ATP7A: variants seen among roughly 807,000 people sequenced by gnomAD.
ATP7A encodes ATPase copper transporting alpha.
A neutral mutation model predicts 83.5 loss-of-function variants in ATP7A; 7 were observed. The ratio of observed to expected loss-of-function variants is 0.08; its 90% CI spans 0.05 to 0.16. The LOEUF (loss-of-function observed/expected upper bound fraction) is 0.16, where lower values mean the gene tolerates loss of function less well. Among genes scored for constraint, ATP7A ranks in the 10% least tolerant of loss-of-function variants. ATP7A has a pLI of 1.00. For synonymous variants in ATP7A, 354 were observed against 395.2 expected (o/e 0.90, Z 1.24); for missense variants, 940 against 1,120.8 (o/e 0.84, Z 2.30).
At chrX:77,967,798 T>C (rs2077518227) in intron 1 of ATP7A, among the ~76,000 whole-genome samples, 1 of 111,758 alleles carries the variant, frequency 8.9e-6, no homozygotes, top group African/African-American at 3.3e-5. Context: ...ATAGACTGGG[T>C]GGTCTAATTG....
Position 77,970,063 on chromosome X carries a change from G to T in ATP7A, c.-21-1558G>T, listed in dbSNP as rs782199144. On this transcript the variant is annotated intron_variant, in intron 1 of 22. Coordinates refer to ENST00000341514, the MANE Select transcript of ATP7A (RefSeq NM_000052.7). ...AAGTTGTAGTCAATATGGTGTCTGGGGATGTAGTAGTTTAAAGGCTTAACT... is the reference window on the plus strand; with the variant it reads ...AAGTTGTAGTCAATATGGTGTCTGGTGATGTAGTAGTTTAAAGGCTTAACT... 2.7e-5 allele frequency among the ~76,000 whole-genome samples: 3 copies of T among 111,521 alleles called. No homozygotes were observed. In the East Asian group the frequency reaches 8.5e-4, roughly 32 times the overall value.
At position 77,957,336 on chromosome X, in the gene ATP7A, C is replaced by T. The variant is rs782104931; in HGVS notation, c.-21-14285C>T. ...TGTTGGTGTGCTGCACCCATTAACT[C>T]GTCATTGGAAACAATTAACAAAGTA... is the stretch of plus-strand genomic sequence containing the variant. On this transcript the variant is annotated intron_variant, in intron 1 of 22. Transcript: ENST00000341514. 2.1e-3 allele frequency among the ~76,000 whole-genome samples: 231 copies of T among 109,864 alleles called. 1 individual carries two copies. Among genetic ancestry groups the T allele is most frequent in the African/African-American group, 7.2e-3 (218 of 30,400 alleles).
At chrX:77,995,705 A>G (rs2077699417) in intron 4 of ATP7A, among the ~76,000 whole-genome samples, 1 of 111,103 alleles carries the variant, frequency 9.0e-6, no homozygotes, top group South Asian at 3.7e-4. Flanking sequence ...CAATCTAAAT[A>G]CTTGATTAAA....
intron 12 of ATP7A, among the ~76,000 whole-genome samples, chrX:78,018,161 C>T (rs2077881501): frequency 9.2e-6 from 1 of 109,207 alleles, no homozygotes. Context: ...GAGACCACCT[C>T]AGCTTGGACT....
At chrX:77,921,137 C>G (rs905193344) in intron 1 of ATP7A, among the ~76,000 whole-genome samples, 3 of 111,831 alleles carry the variant, frequency 2.7e-5, no homozygotes, top group Admixed American at 9.5e-5. Flanking sequence ...TTTGCCCTAT[C>G]AAATTTGTCC....
At chrX:77,938,996 C>T (rs1188402230) in intron 1 of ATP7A, among the ~76,000 whole-genome samples, 1 of 111,612 alleles carries the variant, frequency 9.0e-6, no homozygotes, top group East Asian at 2.8e-4. Flanking sequence ...AGTCTTTTAA[C>T]TTATATCCAC....
At chrX:77,934,769 G>A (rs1216477418) in intron 1 of ATP7A, among the ~76,000 whole-genome samples, 2 of 111,036 alleles carry the variant, frequency 1.8e-5, no homozygotes, top group African/African-American at 6.6e-5. Flanking sequence ...TATAAAACAA[G>A]GGATTGTGAT....
intron 2 of ATP7A, among the ~76,000 whole-genome samples, chrX:77,987,790 A>G (rs1454884551): frequency 9.0e-6 from 1 of 111,617 alleles, no homozygotes; most frequent in African/African-American, 3.3e-5. Context: ...TTAAATTGAC[A>G]TATAATAGTT....
rs782226453 is a variant in ATP7A at position 77,945,738 on chromosome X, C to T, written c.-21-25883C>T. Among the ~76,000 whole-genome samples the T allele has an allele frequency of 6.3e-5, 7 of 110,543 alleles. No homozygotes were observed. The South Asian group carries it at 2.3e-3, about 36-fold the overall frequency. ...ATTATTTGCTGACTTTTATTAAGAC[C>T]TATATTAAGATTCTATAGTGTTATA... is the stretch of plus-strand genomic sequence containing the variant. On this transcript the variant is annotated intron_variant, in intron 1 of 22. Coordinates refer to ENST00000341514, the MANE Select transcript of ATP7A (RefSeq NM_000052.7).
At chrX:78,042,399 C>G (rs2078055584) in intron 19 of ATP7A, among the ~76,000 whole-genome samples, 186 bp from the exon 20 acceptor site, 1 of 111,485 alleles carries the variant, frequency 9.0e-6, no homozygotes, top group Non-Finnish European at 1.9e-5. Flanking sequence ...AAAAGAGTTA[C>G]AATTTACACA....
Position 77,988,504 on chromosome X carries a change from CAAT to C in ATP7A, c.387_389del (p.Ile130del). 8.3e-7 allele frequency: 1 copy of C among 1,211,559 alleles called. No individual in the cohort carries two copies. The highest frequency in any genetic ancestry group is 1.1e-6 in the Non-Finnish European group (1 of 895,366). On this transcript the variant is annotated inframe_deletion, in exon 3 of 23. Coordinates refer to ENST00000341514, the MANE Select transcript of ATP7A (RefSeq NM_000052.7). The stretch of plus-strand genomic sequence containing the variant: ...CCTCAGAAAAGAACTGTAGCAGTGA[CAAT>C]AATCCCTTCTATAGTGAATGCCAAT...
chrX:78,042,353 G>T (rs1425544494), intron 19 of ATP7A, among the ~76,000 whole-genome samples: 1 of 110,894 alleles, frequency 9.0e-6, no homozygotes, highest in Non-Finnish European at 1.9e-5. Flanking sequence ...ACCAAATGAT[G>T]CTCACATTTT....
At chrX:77,957,415 G>A (rs1430875535) in intron 1 of ATP7A, among the ~76,000 whole-genome samples, 1 of 108,609 alleles carries the variant, frequency 9.2e-6, no homozygotes, top group African/African-American at 3.3e-5. Flanking sequence ...CATTTATCAA[G>A]GGGTTAATAT....
At chrX:77,945,436 T>G (rs1197490952) in intron 1 of ATP7A, among the ~76,000 whole-genome samples, 1 of 112,289 alleles carries the variant, frequency 8.9e-6, no homozygotes, top group Non-Finnish European at 1.9e-5. Context: ...CACTTTGGCC[T>G]CCCAAAGTGC....
At chrX:77,984,642 A>T (rs1382114252) in intron 2 of ATP7A, among the ~76,000 whole-genome samples, 1 of 111,636 alleles carries the variant, frequency 9.0e-6, no homozygotes, top group Non-Finnish European at 1.9e-5. Flanking sequence ...CTGGGATTAC[A>T]GGTGTGAGCC....
At chrX:77,918,494 G>A (rs2077195583) in intron 1 of ATP7A, among the ~76,000 whole-genome samples, 1 of 111,463 alleles carries the variant, frequency 9.0e-6, no homozygotes, top group Non-Finnish European at 1.9e-5. Flanking sequence ...TTATAAGGAG[G>A]AGCTTCTTTT....
chrX:78,007,121 C>T (rs2077781220), intron 6 of ATP7A, among the ~76,000 whole-genome samples: 1 of 111,479 alleles, frequency 9.0e-6, no homozygotes, highest in Non-Finnish European at 1.9e-5. Flanking sequence ...ATTTCATATC[C>T]CCACCAACAT....
chrX:78,030,157 G>A (rs1181884844), intron 15 of ATP7A, among the ~76,000 whole-genome samples: 1 of 112,398 alleles, frequency 8.9e-6, no homozygotes, highest in African/African-American at 3.2e-5. Context: ...CTGGCACAGT[G>A]GCTCACGCCT....
At chrX:77,997,162 T>G (rs1440842720) in intron 4 of ATP7A, among the ~76,000 whole-genome samples, 1 of 112,238 alleles carries the variant, frequency 8.9e-6, no homozygotes, top group Admixed American at 9.5e-5. Flanking sequence ...ACGTACCTCC[T>G]GAATCTAAAA....
Sources: gnomAD v4.1 joint callset for allele counts (sites outside exome capture counted in the v4.1 genomes callset) on GRCh38, gnomAD v4.1.1 for gene constraint, MANE v1.5 for transcripts, NCBI Gene and HGNC (gene_info 2026-07-23, HGNC 2026-07-21) for gene names.